The following ABCC4 variants were observed in gnomAD, a reference collection of about 807,000 sequenced individuals.
ABCC4 encodes the protein ATP binding cassette subfamily C member 4 (PEL blood group), also known as ATP-binding cassette sub-family C member 4.
ABCC4 carries 102 observed loss-of-function variants against 168.5 expected under a neutral mutation model. The observed-to-expected ratio is 0.61, with a 90% CI of 0.52 to 0.71. The LOEUF is 0.71. Ranked by LOEUF, ABCC4 falls within the 30% of genes least tolerant of loss-of-function variation. ABCC4 has a pLI of 0.00. For synonymous variants in ABCC4, 617 were observed against 590.7 expected, an observed-to-expected ratio of 1.04 and a Z score of -0.65; for missense variants, 1,402 against 1,605.8, an observed-to-expected ratio of 0.87 and a Z score of 2.17.
At chr13:95,145,476 A>T (rs969008783) in intron 19 of ABCC4, among the ~76,000 whole-genome samples, 4 of 151,642 alleles carry the variant, frequency 2.6e-5, no homozygotes, top group Admixed American at 2.0e-4. Flanking sequence ...AAAAAAAAGA[A>T]AAAAAAATTA....
chr13:95,182,537 C>T (rs922833775), intron 11 of ABCC4, among the ~76,000 whole-genome samples: 3 of 152,162 alleles, frequency 2.0e-5, no homozygotes, highest in African/African-American at 7.2e-5. Context: ...TACATTCTTT[C>T]AAGCATGTCA....
intron 16 of ABCC4, among the ~76,000 whole-genome samples, chr13:95,164,054 A>AAAAAAAAAAAAAAAAAAAAGAAAG (rs59935866): frequency 1.4e-5 from 2 of 139,014 alleles, no homozygotes; most frequent in Non-Finnish European, 3.0e-5. Context: ...AAAAAAAAAA[A>AAAAAAAAAAAAAAAAAAAAGAAAG]AAAGAAAGAA....
intron 18 of ABCC4, among the ~76,000 whole-genome samples, chr13:95,162,088 C>T (rs2037117778): frequency 1.3e-5 from 2 of 152,112 alleles, no homozygotes; most frequent in South Asian, 4.1e-4. Context: ...CAAATATTTC[C>T]CTTTCAGATG....
At chr13:95,059,725 G>A (rs1566380198) in intron 26 of ABCC4, among the ~76,000 whole-genome samples, 1 of 152,108 alleles carries the variant, frequency 6.6e-6, no homozygotes, top group African/African-American at 2.4e-5. Flanking sequence ...CACAAAAATA[G>A]AAACAGAAGT....
rs67671921 is a variant in ABCC4, at chr13:95,157,088, CCACACACACACA to C, written c.2455+4089_2455+4100del. On this transcript the variant is annotated intron_variant, in intron 19 of 30. Coordinates refer to ENST00000645237, the MANE Select transcript of ABCC4 (RefSeq NM_005845.5). ...GCCTGGGCGACAGAGTGAGACTCTA[CCACACACACACA>C]CACACACACACACACACACACACAC... Among the ~76,000 whole-genome samples, 120 of 134,708 alleles carry C rather than the reference CCACACACACACA, an allele frequency of 8.9e-4. 1 individual carries two copies. Among genetic ancestry groups the C allele is most frequent in the African/African-American group, 2.9e-3 (97 of 33,554 alleles). 88.4% of individuals were successfully genotyped at this position (134,708 alleles called of 152,430 possible).
At chr13:95,040,435 T>C (rs1460491640) in intron 29 of ABCC4, among the ~76,000 whole-genome samples, 1 of 152,096 alleles carries the variant, frequency 6.6e-6, no homozygotes, top group African/African-American at 2.4e-5. Flanking sequence ...GGTTTCACCA[T>C]GTTGGCCAGG....
At chr13:95,299,005 G>C (rs960667329) in intron 1 of ABCC4, among the ~76,000 whole-genome samples, 1 of 152,000 alleles carries the variant, frequency 6.6e-6, no homozygotes, top group Non-Finnish European at 1.5e-5. Context: ...TGTAATCCCA[G>C]ACTTTGGGTG....
intron 17 of ABCC4, 152 bp downstream of exon 17, chr13:95,163,458 A>G: frequency 1.3e-6 from 1 of 751,456 alleles, no homozygotes; most frequent in Non-Finnish European, 2.2e-6. Flanking sequence ...CGCAGTTTAC[A>G]CTCCACCAGC....
intron 4 of ABCC4, among the ~76,000 whole-genome samples, chr13:95,218,986 AGTGAG>A (rs55930709): frequency 0.29 from 31,560 of 108,518 alleles, 6,297 homozygotes; most frequent in Non-Finnish European, 0.33. Context: ...AGAAAGAAAG[AGTGAG>A]AAAGAAAGAA....
chr13:95,163,724 A>G, intron 16 of ABCC4, 77 bp from the exon 17 acceptor site: 1 of 1,244,058 alleles, frequency 8.0e-7, no homozygotes, highest in East Asian at 2.5e-5. Flanking sequence ...AATCGCTAAC[A>G]TGGACAACCG....
chr13:95,133,108 CT>C (rs761691210), intron 19 of ABCC4, among the ~76,000 whole-genome samples: 6,028 of 110,610 alleles, frequency 0.054, 47 homozygotes, highest in Middle Eastern at 0.1. Context: ...GATTTTAAAA[CT>C]TTTTTTTTTT....
At chr13:95,057,343 A>G (rs1189441) in intron 26 of ABCC4, among the ~76,000 whole-genome samples, 138,881 of 152,104 alleles carry the variant, frequency 0.91, 63,602 homozygotes, top group Non-Finnish European at 0.95. Context: ...GGGTTCAAGC[A>G]ATTCTCCTGC....
chr13:95,126,296 G>C (rs139936849), intron 19 of ABCC4, among the ~76,000 whole-genome samples: 237 of 152,232 alleles, frequency 1.6e-3, no homozygotes, highest in Admixed American at 3.6e-3. Flanking sequence ...CTACAAGAAT[G>C]TGTTCCCACA....
In ABCC4 at chr13:95,075,500, G is replaced by A; in HGVS notation, c.2738C>T (p.Thr913Ile). 1.2e-6 allele frequency: 2 copies of A among 1,614,106 alleles called. No homozygotes were observed. Among genetic ancestry groups the A allele is most frequent in the South Asian group, 2.2e-5 (2 of 91,070 alleles). ...HLSSSLQGLW[T>I]IRAYKAEERC... is the part of the protein sequence containing the mutation. ...CTCTTCTGCTTTGTATGCCCGGATG[G>A]TCCAGAGCCCCTGGAGAGAAGATGA... Residue 913 changes from threonine (T) to isoleucine (I), a missense_variant, in exon 22 of 31, where the codon ACC becomes ATC. Physicochemically the swap from Thr to Ile is moderately conservative, Grantham distance 89. This residue lies in a region of ABCC4 where 1,007 missense variants were observed against 1,127.3 expected (regional missense o/e 0.89). Transcript: ENST00000645237.
chr13:95,118,073 A>C (rs1469655577), intron 19 of ABCC4, among the ~76,000 whole-genome samples: 1 of 152,178 alleles, frequency 6.6e-6, no homozygotes, highest in African/African-American at 2.4e-5. Context: ...CAACTGAGAA[A>C]GCCCACCTCC....
intron 21 of ABCC4, among the ~76,000 whole-genome samples, chr13:95,077,062 C>T (rs2033930810): frequency 1.3e-5 from 2 of 152,184 alleles, no homozygotes; most frequent in African/African-American, 4.8e-5. Context: ...ACTACCAGGA[C>T]ATACCTCCCT....
At chr13:95,280,654 T>A (rs985182451) in intron 1 of ABCC4, among the ~76,000 whole-genome samples, 6 of 150,728 alleles carry the variant, frequency 4.0e-5, no homozygotes, top group Admixed American at 4.0e-4. Context: ...GTGAGACGGC[T>A]CTCTGTGGGA....
intron 19 of ABCC4, among the ~76,000 whole-genome samples, chr13:95,139,846 G>A (rs1283690273): frequency 6.6e-6 from 1 of 152,150 alleles, no homozygotes; most frequent in African/African-American, 2.4e-5. Context: ...TAAAAGTCTG[G>A]GTGGTTAGTC....
intron 14 of ABCC4, among the ~76,000 whole-genome samples, chr13:95,168,048 G>A (rs1024931563): frequency 3.3e-5 from 5 of 152,058 alleles, no homozygotes; most frequent in South Asian, 2.1e-4. Flanking sequence ...TTGTATTTTC[G>A]GTAGAGATGG....
Sources: gnomAD v4.1 joint callset for allele counts (sites outside exome capture counted in the v4.1 genomes callset) on GRCh38, gnomAD v4.1.1 for gene constraint, gnomAD v4.1.1 regional missense constraint, MANE v1.5 for transcripts, NCBI Gene and HGNC (gene_info 2026-07-23, HGNC 2026-07-21) for gene names.